The following CLDN10 variants were observed in gnomAD, a reference collection of about 807,000 sequenced individuals.
CLDN10 encodes the protein claudin 10.
CLDN10 carries 15 observed loss-of-function variants against 22.9 expected under a neutral mutation model. That is an observed-to-expected ratio of 0.65 (90% CI 0.44 to 1.01). CLDN10 has a LOEUF of 1.01. Among genes scored for constraint, CLDN10 ranks in the 50% least tolerant of loss-of-function variants. The probability of loss-of-function intolerance (pLI) is 0.00; values close to 1 mark genes in which losing one functional copy is unlikely to be tolerated. For missense variants in CLDN10, 247 were observed against 287.8 expected (o/e 0.86, Z 1.03); for synonymous variants, 114 against 111.4 (o/e 1.02, Z -0.15).
chr13:95,505,274 G>T (rs1046691968), intron 1 of CLDN10, among the ~76,000 whole-genome samples: 7 of 152,154 alleles, frequency 4.6e-5, no homozygotes, highest in Non-Finnish European at 8.8e-5. Flanking sequence ...TATAAAATCA[G>T]ATCTGGTTCT....
chr13:95,438,133 A>G (rs1594517885), intron 1 of CLDN10, among the ~76,000 whole-genome samples: 2 of 152,192 alleles, frequency 1.3e-5, no homozygotes, highest in South Asian at 2.1e-4. Flanking sequence ...GGCTCACTTC[A>G]GCCTTGACTT....
chr13:95,440,230 A>T (rs1425076636), intron 1 of CLDN10, among the ~76,000 whole-genome samples: 7 of 152,186 alleles, frequency 4.6e-5, no homozygotes. Context: ...TACTTTTAAC[A>T]GATAGCTGCA....
intron 1 of CLDN10, among the ~76,000 whole-genome samples, chr13:95,462,953 C>T (rs758364367): frequency 2.0e-5 from 3 of 152,062 alleles, no homozygotes; most frequent in Non-Finnish European, 4.4e-5. Context: ...CTAATTTATG[C>T]CTTGTTCCCC....
At chr13:95,466,490 CA>C (rs1566284469) in intron 1 of CLDN10, among the ~76,000 whole-genome samples, 1 of 151,946 alleles carries the variant, frequency 6.6e-6, no homozygotes, top group East Asian at 1.9e-4. Context: ...ATGTGCATTT[CA>C]GTAATAATTT....
chr13:95,463,285 A>AATATATATATAT (rs200962205), intron 1 of CLDN10, among the ~76,000 whole-genome samples: 79 of 40,040 alleles, frequency 2.0e-3, no homozygotes, highest in East Asian at 3.6e-3. Flanking sequence ...GCAAATGCTT[A>AATATATATATAT]ATATATATAT....
upstream of CLDN10, among the ~76,000 whole-genome samples, chr13:95,548,289 G>A (rs897498374): frequency 2.0e-5 from 3 of 152,190 alleles, no homozygotes; most frequent in African/African-American, 7.2e-5. Flanking sequence ...CTCCCCTTCA[G>A]GGGCTCAAGA....
At chr13:95,515,204 G>A (rs960392219) in intron 1 of CLDN10, among the ~76,000 whole-genome samples, 2 of 151,588 alleles carry the variant, frequency 1.3e-5, no homozygotes, top group African/African-American at 4.9e-5. Flanking sequence ...TGTTGTTGTT[G>A]TTGTTGTTTT....
At chr13:95,560,791 T>C (rs1205715019) in intron 3 of CLDN10, 1 of 232,080 alleles carries the variant, frequency 4.3e-6, no homozygotes, top group African/African-American at 2.3e-5. Context: ...GAAAGAATGA[T>C]GCGGTGTGCG....
upstream of CLDN10, among the ~76,000 whole-genome samples, chr13:95,550,820 C>CTTTTTTTTT (rs56225257): frequency 1.3e-4 from 11 of 85,530 alleles, no homozygotes; most frequent in Admixed American, 1.5e-4. Flanking sequence ...TAGGAAGATA[C>CTTTTTTTTT]TTTTTTTTTT....
At chr13:95,561,556 A>T (rs1300017796) in intron 3 of CLDN10, among the ~76,000 whole-genome samples, 9 of 151,988 alleles carry the variant, frequency 5.9e-5, no homozygotes, top group African/African-American at 1.2e-4. Flanking sequence ...TCCTCTTGGT[A>T]CTCTTTTTTT....
chr13:95,532,791 G>GAAAAA (rs1305127160), intron 1 of CLDN10, among the ~76,000 whole-genome samples: 6 of 8,382 alleles, frequency 7.2e-4, no homozygotes, highest in African/African-American at 1.5e-3. Flanking sequence ...ACTCAATTCA[G>GAAAAA]CAAAAAAAAA....
intron 1 of CLDN10, among the ~76,000 whole-genome samples, chr13:95,555,472 A>G (rs528369510): frequency 6.6e-6 from 1 of 152,042 alleles, no homozygotes; most frequent in Admixed American, 6.6e-5. Flanking sequence ...TCTTAGGCCC[A>G]TGGTTCTGTT....
chr13:95,476,075 G>A (rs567736557), intron 1 of CLDN10, among the ~76,000 whole-genome samples: 2 of 152,298 alleles, frequency 1.3e-5, no homozygotes, highest in South Asian at 4.2e-4. Flanking sequence ...TAGGACATAT[G>A]AGGGGAGGAG....
At chr13:95,575,961 G>A (rs753183014) in intron 3 of CLDN10, among the ~76,000 whole-genome samples, 2 of 152,192 alleles carry the variant, frequency 1.3e-5, no homozygotes, top group Admixed American at 6.5e-5. Flanking sequence ...ATGCATGCTT[G>A]ATTAAAAGCA....
At chr13:95,470,561 G>A (rs1031804113) in intron 1 of CLDN10, among the ~76,000 whole-genome samples, 2 of 152,060 alleles carry the variant, frequency 1.3e-5, no homozygotes, top group Non-Finnish European at 2.9e-5. Context: ...TCTATTTACA[G>A]CCAACCCCCG....
At chr13:95,538,984 A>G (rs562370590) in intron 1 of CLDN10, among the ~76,000 whole-genome samples, 3 of 152,174 alleles carry the variant, frequency 2.0e-5, no homozygotes, top group Admixed American at 6.5e-5. Flanking sequence ...GGTTCAAGTG[A>G]TTCTCTGGCC....
chr13:95,542,942 AC>A (rs2043473995), intron 1 of CLDN10, among the ~76,000 whole-genome samples: 1 of 151,976 alleles, frequency 6.6e-6, no homozygotes, highest in Non-Finnish European at 1.5e-5. Context: ...TGTAAAATCC[AC>A]CCTTTAGGCT....
intron 1 of CLDN10, among the ~76,000 whole-genome samples, chr13:95,469,105 GGTTTT>G (rs903193094): frequency 6.7e-6 from 1 of 150,122 alleles, no homozygotes; most frequent in Non-Finnish European, 1.5e-5. Flanking sequence ...ACAGTTTTTT[GGTTTT>G]GTTTTCTGTT....
chr13:95,483,899 G>A (rs7332888), intron 1 of CLDN10, among the ~76,000 whole-genome samples: 84,281 of 151,878 alleles, frequency 0.55, 24,228 homozygotes, highest in African/African-American at 0.71. Flanking sequence ...TTTGGGAGGT[G>A]ATTAGGTCAC....
Sources: allele counts gnomAD v4.1 joint callset (sites outside exome capture counted in the v4.1 genomes callset), GRCh38; gene constraint gnomAD v4.1.1; transcripts MANE v1.5; gene names NCBI Gene and HGNC (gene_info 2026-07-23, HGNC 2026-07-21).